Variants in PEAK1 observed in about 807,000 individuals in gnomAD.
PEAK1 encodes pseudopodium enriched atypical kinase 1.
In PEAK1, 54 loss-of-function variants were observed where a neutral mutation model predicts 124.7. The ratio of observed to expected loss-of-function variants is 0.43; its 90% CI spans 0.35 to 0.54. The LOEUF (loss-of-function observed/expected upper bound fraction) is 0.54, where lower values mean the gene tolerates loss of function less well. Among genes scored for constraint, PEAK1 ranks in the 20% least tolerant of loss-of-function variants. The pLI is 0.01. For missense variants in PEAK1, 2,046 were observed against 2,134.5 expected, an observed-to-expected ratio of 0.96 and a Z score of 0.82; for synonymous variants, 719 against 760.0, an observed-to-expected ratio of 0.95 and a Z score of 0.89.
chr15:77,277,191 G>A (rs1266871783), intron 5 of PEAK1, among the ~76,000 whole-genome samples: 1 of 152,060 alleles, frequency 6.6e-6, no homozygotes, highest in African/African-American at 2.4e-5. Context: ...TGGATCTCAA[G>A]GGCATTATGC....
intron 1 of PEAK1, among the ~76,000 whole-genome samples, chr15:77,380,019 G>A (rs900163696): frequency 3.9e-5 from 6 of 151,952 alleles, no homozygotes; most frequent in Non-Finnish European, 7.4e-5. Flanking sequence ...TCTTTACCTG[G>A]CAAATGTAAA....
intron 2 of PEAK1, among the ~76,000 whole-genome samples, chr15:77,309,946 A>G (rs939807884): frequency 2.0e-5 from 3 of 152,182 alleles, no homozygotes; most frequent in African/African-American, 2.4e-5. Flanking sequence ...CTGGAGAAAA[A>G]CTGTTTAGGG....
intron 5 of PEAK1, 86 bp downstream of exon 5, chr15:77,283,797 G>T (rs1188744878): frequency 1.2e-5 from 7 of 589,506 alleles, no homozygotes; most frequent in Non-Finnish European, 1.5e-5. Context: ...GATATTAAAA[G>T]TCAATTATGC....
chr15:77,264,709 C>T (rs1041133830), intron 5 of PEAK1, among the ~76,000 whole-genome samples: 2 of 152,066 alleles, frequency 1.3e-5, no homozygotes, highest in African/African-American at 2.4e-5. Context: ...AATGCCATCC[C>T]CATCAAGCTA....
At chr15:77,132,624 G>A (rs1272947507) in intron 9 of PEAK1, among the ~76,000 whole-genome samples, 2 of 151,534 alleles carry the variant, frequency 1.3e-5, no homozygotes, top group Admixed American at 1.3e-4. Context: ...GAACCTGGGA[G>A]GCGGAGGTTG....
At chr15:77,296,721 G>A (rs191739815) in intron 2 of PEAK1, among the ~76,000 whole-genome samples, 12 of 151,792 alleles carry the variant, frequency 7.9e-5, no homozygotes, top group Non-Finnish European at 8.8e-5. Flanking sequence ...GGTAGAGGAC[G>A]AGTTTATCCT....
At chr15:77,396,227 GCCT>G (rs1215684374) in intron 1 of PEAK1, among the ~76,000 whole-genome samples, 1 of 151,856 alleles carries the variant, frequency 6.6e-6, no homozygotes, top group African/African-American at 2.4e-5. Flanking sequence ...TTATATGCAA[GCCT>G]CATAGTAGCC....
In PEAK1 at chr15:77,102,374, T is replaced by C. The variant is rs570035914; in HGVS notation, c.*11782A>G. The C allele has an allele frequency of 5.3e-5, 8 of 152,354 alleles. No individual in the cohort carries two copies. The East Asian group carries it at 1.5e-3, about 29-fold the overall frequency. The allele number at this position is 152,354 out of a possible 1,614,324, so 9.4% of individuals were successfully genotyped here. A position where few individuals can be genotyped will look rare whatever the true frequency, so the allele number is the denominator to read the frequency against. On this transcript the variant is annotated 3_prime_UTR_variant, in exon 7 of 7. Coordinates refer to the PEAK1 transcript ENST00000560626. ...TACTTTTCAATTTTGTTTCTGCTGT[T>C]TTCCATGGACAAAGGTTTATCACCT... is the stretch of plus-strand genomic sequence containing the variant.
At chr15:77,269,125 C>T (rs1275611076) in intron 5 of PEAK1, among the ~76,000 whole-genome samples, 4 of 151,552 alleles carry the variant, frequency 2.6e-5, no homozygotes, top group Non-Finnish European at 5.9e-5. Flanking sequence ...AAAAGGTATT[C>T]AGGCAATATA....
intron 6 of PEAK1, among the ~76,000 whole-genome samples, chr15:77,238,797 T>C (rs1352806710): frequency 6.6e-6 from 1 of 152,190 alleles, no homozygotes; most frequent in African/African-American, 2.4e-5. Flanking sequence ...ATTTCTTGTT[T>C]TTGCATGTCA....
intron 9 of PEAK1, among the ~76,000 whole-genome samples, chr15:77,119,634 C>CA (rs2051729993): frequency 6.6e-6 from 1 of 152,156 alleles, no homozygotes; most frequent in Non-Finnish European, 1.5e-5. Context: ...GAGACCTTCT[C>CA]AGACTCGGGT....
intron 5 of PEAK1, among the ~76,000 whole-genome samples, chr15:77,264,026 C>G (rs1414518049): frequency 3.9e-5 from 6 of 152,108 alleles, no homozygotes; most frequent in Admixed American, 1.3e-4. Flanking sequence ...TCAATAGATG[C>G]AGAAAAGGCC....
At chr15:77,105,712 CACTT>C (rs1006417875), downstream of PEAK1, 1 of 152,366 alleles carries the variant, frequency 6.6e-6, no homozygotes, top group African/African-American at 2.4e-5. Context: ...AGAAGGTACA[CACTT>C]ACAACCCCAG....
chr15:77,226,230 G>GA (rs59270850), intron 6 of PEAK1, among the ~76,000 whole-genome samples: 1,805 of 133,164 alleles, frequency 0.014, 32 homozygotes, highest in African/African-American at 0.045. Flanking sequence ...GATATTTCAA[G>GA]AAAAAAAAAA....
chr15:77,198,616 C>T (rs1485728978), intron 6 of PEAK1, among the ~76,000 whole-genome samples: 1 of 152,110 alleles, frequency 6.6e-6, no homozygotes, highest in African/African-American at 2.4e-5. Flanking sequence ...TTGAGAAATA[C>T]CTTTTTGTAT....
At chr15:77,128,977 C>T (rs1310153087) in intron 9 of PEAK1, among the ~76,000 whole-genome samples, 1 of 152,122 alleles carries the variant, frequency 6.6e-6, no homozygotes, top group Non-Finnish European at 1.5e-5. Context: ...TTATGTGTTC[C>T]CCACCACCAA....
intron 2 of PEAK1, among the ~76,000 whole-genome samples, chr15:77,291,895 T>C (rs1378956239): frequency 4.0e-5 from 6 of 148,822 alleles, no homozygotes. Flanking sequence ...GAGAATGGCG[T>C]GAACCCAGGA....
At chr15:77,152,505 G>C (rs1192689181) in intron 8 of PEAK1, among the ~76,000 whole-genome samples, 2 of 152,176 alleles carry the variant, frequency 1.3e-5, no homozygotes, top group East Asian at 1.9e-4. Flanking sequence ...GATTGCCCTG[G>C]CCAGAACTTC....
chr15:77,355,797 T>C, intron 2 of PEAK1: 1 of 985,310 alleles, frequency 1.0e-6, no homozygotes, highest in Non-Finnish European at 1.2e-6. Flanking sequence ...CGATTCCAAT[T>C]CCTGTAGAAT....
Sources: gnomAD v4.1 joint callset for allele counts (sites outside exome capture counted in the v4.1 genomes callset) on GRCh38, gnomAD v4.1.1 for gene constraint, MANE v1.5 for transcripts, NCBI Gene and HGNC (gene_info 2026-07-23, HGNC 2026-07-21) for gene names.